TMEM132C: variants seen among roughly 807,000 people sequenced by gnomAD.
TMEM132C encodes the protein transmembrane protein 132C.
Under a neutral mutation model 61.4 loss-of-function variants are expected in TMEM132C, and 29 were observed. That is an observed-to-expected ratio of 0.47 (90% CI 0.35 to 0.64). The LOEUF (loss-of-function observed/expected upper bound fraction) is 0.64, where lower values mean the gene tolerates loss of function less well. Among genes scored for constraint, TMEM132C ranks in the 30% least tolerant of loss-of-function variants. The probability of loss-of-function intolerance (pLI) is 0.00; values close to 1 mark genes in which losing one functional copy is unlikely to be tolerated. For synonymous variants in TMEM132C, 656 were observed against 633.1 expected (o/e 1.04, Z -0.54); for missense variants, 1,408 against 1,476.9 (o/e 0.95, Z 0.76).
At chr12:128,551,788 C>T (rs1478225903) in intron 3 of TMEM132C, among the ~76,000 whole-genome samples, 4 of 152,146 alleles carry the variant, frequency 2.6e-5, no homozygotes, top group Non-Finnish European at 5.9e-5. Context: ...TTTTTCAAAA[C>T]CAGGTGTCCG....
At chr12:128,648,124 T>C (rs1350160336) in intron 4 of TMEM132C, among the ~76,000 whole-genome samples, 1 of 150,884 alleles carries the variant, frequency 6.6e-6, no homozygotes, top group Non-Finnish European at 1.5e-5. Context: ...TTTACTGGAG[T>C]CCATTAGCGT....
At position 128,698,490 on chromosome 12, in the gene TMEM132C, A is replaced by G. The variant is rs564625744; in HGVS notation, c.2121+1075A>G. Among the ~76,000 whole-genome samples the G allele has an allele frequency of 2.0e-5, 3 of 152,314 alleles. No homozygotes were observed. The South Asian group carries it at 6.2e-4, about 32-fold the overall frequency. On this transcript the variant is annotated intron_variant, in intron 8 of 8. Transcript: ENST00000435159. ...GTTACCACCTATGTAACCTCAGGCAAGACGCCTCACCCGTGTCTCAATCCT... is the reference window on the plus strand; with the variant it reads ...GTTACCACCTATGTAACCTCAGGCAGGACGCCTCACCCGTGTCTCAATCCT...
rs111717481 is a variant in TMEM132C, at chr12:128,640,735, A to C, written c.1305+24400A>C. Reference sequence around the variant, plus strand: ...GGCAAAACCTCTACAAAAAATTTAAAAATTAGTAAGGTGTAGTGACACAAA... The same window carrying C: ...GGCAAAACCTCTACAAAAAATTTAACAATTAGTAAGGTGTAGTGACACAAA... On this transcript the variant is annotated intron_variant, in intron 4 of 8. Transcript: ENST00000435159. 3.7e-3 allele frequency among the ~76,000 whole-genome samples: 571 copies of C among 152,284 alleles called. 2 individuals are homozygous for C. Among genetic ancestry groups the C allele is most frequent in the African/African-American group, 0.013 (539 of 41,558 alleles).
Position 128,495,353 on chromosome 12 carries a change from C to T in TMEM132C, c.975-48604C>T, listed in dbSNP as rs149026962. On this transcript the variant is annotated intron_variant, in intron 2 of 8. Transcript: ENST00000435159. ...GAGTTCTGTAGGTGTCTATTAGGTCCGCTTGGTGCAGAGCTGAGTTCAATT... is the reference window on the plus strand; with the variant it reads ...GAGTTCTGTAGGTGTCTATTAGGTCTGCTTGGTGCAGAGCTGAGTTCAATT... Among the ~76,000 whole-genome samples, 674 of 151,996 alleles carry T rather than the reference C, an allele frequency of 4.4e-3. 6 individuals carry two copies. The highest frequency in any genetic ancestry group is 0.015 in the African/African-American group (609 of 41,458).
At chr12:128,468,992 T>C (rs1870837054) in intron 2 of TMEM132C, among the ~76,000 whole-genome samples, 1 of 152,218 alleles carries the variant, frequency 6.6e-6, no homozygotes, top group Non-Finnish European at 1.5e-5. Flanking sequence ...GTTCTCTAAC[T>C]CTCTTGTTTC....
chr12:128,284,228 T>C (rs1870986744), intron 1 of TMEM132C, among the ~76,000 whole-genome samples: 1 of 152,216 alleles, frequency 6.6e-6, no homozygotes, highest in African/African-American at 2.4e-5. Flanking sequence ...TGGTTCTGTT[T>C]CTCTGGAGAA....
At chr12:128,383,198 G>A (rs950248306) in intron 1 of TMEM132C, among the ~76,000 whole-genome samples, 1 of 152,136 alleles carries the variant, frequency 6.6e-6, no homozygotes, top group Non-Finnish European at 1.5e-5. Context: ...GTGCACCCCT[G>A]TGTACATGTG....
In TMEM132C at chr12:128,669,398, G is replaced by A; in HGVS notation, c.1306-19G>A. ...TGGAATATCTCCCTTGACCCAGTGT[G>A]TTTGATTCTTTTTGGCAGGACACTG... On this transcript the variant is annotated intron_variant, in intron 4 of 8. Coordinates refer to ENST00000435159, the MANE Select transcript of TMEM132C (RefSeq NM_001136103.3). 6.4e-7 allele frequency: 1 copy of A among 1,551,364 alleles called. No homozygotes were observed. The highest frequency in any genetic ancestry group is 1.2e-5 in the South Asian group (1 of 83,998).
At chr12:128,577,421 G>A (rs1285341022) in intron 3 of TMEM132C, among the ~76,000 whole-genome samples, 6 of 152,086 alleles carry the variant, frequency 3.9e-5, no homozygotes, top group Non-Finnish European at 7.3e-5. Context: ...TTCTGGCCAT[G>A]GCCCCCCTTG....
At position 128,705,267 on chromosome 12, in the gene TMEM132C, C is replaced by T. The variant is rs1293259813; in HGVS notation, c.2299C>T (p.Pro767Ser). ...GGTGGCCGAAGGGGAAGGCCAGGGC[C>T]CACTGATCCGAGTGGACATGACGAT... Reference protein sequence around the residue: ...VVVAEGEGQGPLIRVDMTIAE... With the variant: ...VVVAEGEGQGSLIRVDMTIAE... Residue 767 changes from proline to serine, a missense_variant, in exon 9 of 9, where the codon CCA becomes TCA. Pro to Ser is a moderately conservative substitution (Grantham distance 74). Coordinates refer to ENST00000435159, the MANE Select transcript of TMEM132C (RefSeq NM_001136103.3). 1 of 1,551,670 alleles carries T rather than the reference C, an allele frequency of 6.4e-7. No individual in the cohort carries two copies. Among genetic ancestry groups the T allele is most frequent in the Non-Finnish European group, 8.7e-7 (1 of 1,147,004 alleles).
chr12:128,518,397 T>C (rs1335971663), intron 2 of TMEM132C, among the ~76,000 whole-genome samples: 1 of 152,138 alleles, frequency 6.6e-6, no homozygotes, highest in Non-Finnish European at 1.5e-5. Flanking sequence ...CAGGTATCCA[T>C]GCCATCATCA....
At chr12:128,668,827 C>T (rs1300260689) in intron 4 of TMEM132C, among the ~76,000 whole-genome samples, 1 of 152,168 alleles carries the variant, frequency 6.6e-6, no homozygotes, top group Non-Finnish European at 1.5e-5. Context: ...TGACCTCTGC[C>T]TCCACTGCAA....
At position 128,415,277 on chromosome 12, in the gene TMEM132C, G is replaced by A; in HGVS notation, c.631G>A (p.Gly211Ser). The change falls in exon 2 of 9, where the codon GGT (glycine) becomes AGT (serine). Residue 211 changes from glycine (G) to serine (S), a missense_variant. Physicochemically the swap from Gly to Ser is moderately conservative, Grantham distance 56. Coordinates refer to ENST00000435159, the MANE Select transcript of TMEM132C (RefSeq NM_001136103.3). This position sits in a 1 kb window ranked among gnomAD's most constrained non-coding sequence, Gnocchi z 5.8. ...LSSWFSAPTV[G>S]AGRKKSMDQP... The stretch of plus-strand genomic sequence containing the variant: ...CAGCTGGTTCAGTGCCCCGACGGTG[G>A]GTGCCGGGAGGAAGAAGTCCATGGA... 6.3e-7 allele frequency: 1 copy of A among 1,597,632 alleles called. No homozygotes were observed. The highest frequency in any genetic ancestry group is 8.5e-7 in the Non-Finnish European group (1 of 1,172,112).
intron 1 of TMEM132C, among the ~76,000 whole-genome samples, chr12:128,346,468 A>G (rs1436413974): frequency 1.3e-5 from 2 of 152,182 alleles, no homozygotes; most frequent in Non-Finnish European, 2.9e-5. Context: ...TAATAGGAAT[A>G]CCATTGAATC....
At chr12:128,573,557 A>T (rs1036304560) in intron 3 of TMEM132C, among the ~76,000 whole-genome samples, 25 of 152,242 alleles carry the variant, frequency 1.6e-4, no homozygotes, top group Admixed American at 2.0e-4. Flanking sequence ...CATATGTAAC[A>T]AACCTGCATG....
rs139111105 is a variant in TMEM132C, at chr12:128,428,306, C to G, written c.974+12686C>G. Among the ~76,000 whole-genome samples the G allele has an allele frequency of 4.5e-4, 69 of 152,264 alleles. 1 individual carries two copies. Among genetic ancestry groups the G allele is most frequent in the African/African-American group, 1.6e-3 (68 of 41,538 alleles). On this transcript the variant is annotated intron_variant, in intron 2 of 8. Transcript: ENST00000435159. ...CAGGGCATGAATGATGTTCCTGGGA[C>G]TCAGTCTCCCTCACTTATTTGTGCA...
At chr12:128,297,664 C>T (rs1195039170) in intron 1 of TMEM132C, among the ~76,000 whole-genome samples, 2 of 152,162 alleles carry the variant, frequency 1.3e-5, no homozygotes, top group Non-Finnish European at 2.9e-5. Flanking sequence ...GAGAGTGTAG[C>T]AGTGTCTCCT....
chr12:128,352,570 A>C (rs1353263090), intron 1 of TMEM132C, among the ~76,000 whole-genome samples: 1 of 152,180 alleles, frequency 6.6e-6, no homozygotes, highest in African/African-American at 2.4e-5. Flanking sequence ...GTTTGACCAA[A>C]TATCTGGACA....
At chr12:128,617,735 T>C (rs573739613) in intron 4 of TMEM132C, among the ~76,000 whole-genome samples, 3 of 152,006 alleles carry the variant, frequency 2.0e-5, no homozygotes, top group South Asian at 4.2e-4. Context: ...AAGTGTGGAA[T>C]GAGACTAAGA....
Sources: gnomAD v4.1 joint callset for allele counts (sites outside exome capture counted in the v4.1 genomes callset) on GRCh38, gnomAD v4.1.1 for gene constraint, Gnocchi (gnomAD v3.1) non-coding constraint, MANE v1.5 for transcripts, NCBI Gene and HGNC (gene_info 2026-07-23, HGNC 2026-07-21) for gene names.